The following PXDNL variants were observed in gnomAD, a reference collection of about 807,000 sequenced individuals.
The protein encoded by PXDNL is peroxidasin like.
In PXDNL, 145 loss-of-function variants were observed where a neutral mutation model predicts 150.8. That is an observed-to-expected ratio of 0.96 (90% CI 0.84 to 1.10). The LOEUF (loss-of-function observed/expected upper bound fraction) is 1.10. PXDNL is among the 50% of genes least tolerant of loss of function. The probability of loss-of-function intolerance (pLI) is 0.00; values close to 1 mark genes in which losing one functional copy is unlikely to be tolerated. For synonymous variants in PXDNL, 757 were observed against 725.7 expected (o/e 1.04, Z -0.69); for missense variants, 2,087 against 1,873.9 (o/e 1.11, Z -2.10).
At chr8:51,581,238 T>C (rs761803749) in intron 3 of PXDNL, among the ~76,000 whole-genome samples, 1 of 152,022 alleles carries the variant, frequency 6.6e-6, no homozygotes, top group African/African-American at 2.4e-5. Flanking sequence ...CATAAAAGCA[T>C]ATGCTTGGGA....
At chr8:51,659,935 G>A (rs1815235389) in intron 1 of PXDNL, among the ~76,000 whole-genome samples, 1 of 151,406 alleles carries the variant, frequency 6.6e-6, no homozygotes, top group Non-Finnish European at 1.5e-5. Context: ...TTGTCGCCCA[G>A]GCTGGAGTGC....
chr8:51,674,699 C>T lies in PXDNL; in HGVS notation c.165-19939G>A, dbSNP rs117508144. 9.9e-3 allele frequency among the ~76,000 whole-genome samples: 1,512 copies of T among 152,318 alleles called. 18 individuals carry two copies. The highest frequency in any genetic ancestry group is 0.024 in the Middle Eastern group (7 of 294). ...GAGCGTCAGAGATTTGGCTCCTGGT[C>T]CTGCCATACCCATCACGGCAGCAAA... On this transcript the variant is annotated intron_variant, in intron 1 of 22. Coordinates refer to ENST00000356297, the MANE Select transcript of PXDNL (RefSeq NM_144651.5).
intron 2 of PXDNL, among the ~76,000 whole-genome samples, chr8:51,636,045 A>G (rs1316389892): frequency 6.6e-6 from 1 of 152,162 alleles, no homozygotes; most frequent in Non-Finnish European, 1.5e-5. Context: ...GGATAGTTTA[A>G]CATAAGAAAG....
rs150763834 is a variant in PXDNL, at chr8:51,539,250, TTAATA to T, written c.380+17585_380+17589del. ...TTTATTATTTTTATTTTTTAATCTG[TTAATA>T]TAATAAATTACATTTTTGTTTTTCG... On this transcript the variant is annotated intron_variant, in intron 4 of 22. Transcript: ENST00000356297. Among the ~76,000 whole-genome samples, 16 of 152,236 alleles carry T rather than the reference TTAATA, an allele frequency of 1.1e-4. No individual in the cohort carries two copies. The East Asian group carries it at 2.9e-3, about 28-fold the overall frequency.
chr8:51,680,620 A>T (rs1188858919), intron 1 of PXDNL, among the ~76,000 whole-genome samples: 2 of 152,212 alleles, frequency 1.3e-5, no homozygotes, highest in African/African-American at 4.8e-5. Context: ...AAAAAACGCC[A>T]GTAAATCTCT....
intron 1 of PXDNL, among the ~76,000 whole-genome samples, chr8:51,698,288 A>G (rs568907083): frequency 2.0e-5 from 3 of 152,370 alleles, no homozygotes; most frequent in African/African-American, 4.8e-5. Flanking sequence ...AATTCTCTCA[A>G]TCTTTGCTAC....
intron 1 of PXDNL, among the ~76,000 whole-genome samples, chr8:51,794,341 T>C (rs1278314559): frequency 3.3e-5 from 5 of 151,740 alleles, no homozygotes; most frequent in African/African-American, 1.2e-4. Context: ...CATGAGAAGA[T>C]CAACACCAAG....
intron 1 of PXDNL, among the ~76,000 whole-genome samples, chr8:51,738,389 G>A (rs2036863359): frequency 6.6e-6 from 1 of 152,134 alleles, no homozygotes; most frequent in South Asian, 2.1e-4. Flanking sequence ...TATCCAGTAT[G>A]TGACTCTTGC....
chr8:51,374,963 C>T (rs1465593516), intron 17 of PXDNL, among the ~76,000 whole-genome samples: 1 of 152,122 alleles, frequency 6.6e-6, no homozygotes, highest in Non-Finnish European at 1.5e-5. Flanking sequence ...TGACACCAAG[C>T]CTCATGCAAT....
intron 2 of PXDNL, among the ~76,000 whole-genome samples, chr8:51,613,209 A>AT (rs1554558239): frequency 2.6e-5 from 4 of 151,774 alleles, no homozygotes; most frequent in Non-Finnish European, 5.9e-5. Flanking sequence ...CACCAAAAAA[A>AT]ATATATATAT....
intron 19 of PXDNL, 56 bp from the exon 20 acceptor site, chr8:51,346,003 CA>C (rs141672452): frequency 1.2e-4 from 130 of 1,045,478 alleles, no homozygotes; most frequent in Middle Eastern, 2.0e-4. Flanking sequence ...GTCATGATCT[CA>C]TCTAGATCAT....
chr8:51,411,715 G>T (rs1213303648), intron 15 of PXDNL, among the ~76,000 whole-genome samples: 2 of 152,142 alleles, frequency 1.3e-5, no homozygotes, highest in African/African-American at 4.8e-5. Flanking sequence ...TTGATGAATG[G>T]ATTATAGGAG....
intron 1 of PXDNL, among the ~76,000 whole-genome samples, chr8:51,727,512 CA>C (rs1816837197): frequency 6.6e-6 from 1 of 152,068 alleles, no homozygotes; most frequent in Non-Finnish European, 1.5e-5. Context: ...ATACAAAACC[CA>C]AAAATTTACT....
At chr8:51,746,617 C>T (rs964298162) in intron 1 of PXDNL, among the ~76,000 whole-genome samples, 5 of 152,114 alleles carry the variant, frequency 3.3e-5, no homozygotes, top group Non-Finnish European at 7.3e-5. Context: ...GCGTTTATCT[C>T]GGGGCTGTGG....
chr8:51,482,906 G>A (rs769471435), intron 6 of PXDNL, among the ~76,000 whole-genome samples: 4 of 152,168 alleles, frequency 2.6e-5, no homozygotes, highest in Non-Finnish European at 4.4e-5. Context: ...CAAGGCCCAT[G>A]ATGGATACAC....
intron 17 of PXDNL, among the ~76,000 whole-genome samples, chr8:51,395,660 G>C (rs1186934930): frequency 1.3e-5 from 2 of 152,142 alleles, no homozygotes; most frequent in Non-Finnish European, 2.9e-5. Context: ...TGGTTTCAAA[G>C]AGGATACGAA....
At chr8:51,690,831 G>C (rs1475821236) in intron 1 of PXDNL, among the ~76,000 whole-genome samples, 2 of 152,066 alleles carry the variant, frequency 1.3e-5, no homozygotes, top group Non-Finnish European at 2.9e-5. Flanking sequence ...TCTAGCACCT[G>C]TTGTTTCCTG....
At chr8:51,463,095 A>T (rs1810120587) in intron 8 of PXDNL, among the ~76,000 whole-genome samples, 1 of 152,208 alleles carries the variant, frequency 6.6e-6, no homozygotes, top group African/African-American at 2.4e-5. Context: ...AGAATTAGTT[A>T]ACACTAGAAC....
intron 6 of PXDNL, among the ~76,000 whole-genome samples, chr8:51,477,760 G>A (rs1810514700): frequency 6.6e-6 from 1 of 152,072 alleles, no homozygotes; most frequent in Non-Finnish European, 1.5e-5. Context: ...CCATGCAATT[G>A]CCCCATCTTC....
Sources: gnomAD v4.1 joint callset for allele counts (sites outside exome capture counted in the v4.1 genomes callset) on GRCh38, gnomAD v4.1.1 for gene constraint, MANE v1.5 for transcripts, NCBI Gene and HGNC (gene_info 2026-07-23, HGNC 2026-07-21) for gene names.